The following MED12L variants were observed in gnomAD, a reference collection of about 807,000 sequenced individuals.
MED12L encodes the protein mediator of RNA polymerase II transcription subunit 12-like protein.
A neutral mutation model predicts 281.3 loss-of-function variants in MED12L; 60 were observed. The ratio of observed to expected loss-of-function variants is 0.21; its 90% CI spans 0.17 to 0.26. The LOEUF is 0.26. MED12L is among the 10% of genes least tolerant of loss of function. The pLI is 1.00. For missense variants in MED12L, 2,146 were observed against 2,680.9 expected (o/e 0.80, Z 4.41); for synonymous variants, 974 against 987.2 (o/e 0.99, Z 0.25).
At position 151,238,232 on chromosome 3, in the gene MED12L, C is replaced by T. The variant is rs577922586; in HGVS notation, c.2250+44566C>T. Among the ~76,000 whole-genome samples, 675 of 152,076 alleles carry T rather than the reference C, an allele frequency of 4.4e-3. 4 individuals carry two copies. Among genetic ancestry groups the T allele is most frequent in the African/African-American group, 0.015 (628 of 41,476 alleles). On this transcript the variant is annotated intron_variant, in intron 16 of 44. Coordinates refer to ENST00000687756, the MANE Select transcript of MED12L (RefSeq NM_001393769.1). ...CACTATCTTGGCTCACTGCATCCTC[C>T]GCCTCCCAGGTTCAAGCAATTCTCC...
intron 16 of MED12L, among the ~76,000 whole-genome samples, chr3:151,335,069 T>C (rs187245176): frequency 5.0e-4 from 76 of 152,318 alleles, no homozygotes; most frequent in African/African-American, 1.7e-3. Context: ...AAGTATACAA[T>C]GTGTAATGGT....
chr3:151,158,334 C>T (rs951061238), intron 6 of MED12L, among the ~76,000 whole-genome samples: 1 of 152,036 alleles, frequency 6.6e-6, no homozygotes. Flanking sequence ...CAGTGCTTAT[C>T]TTCTTTATAA....
intron 16 of MED12L, among the ~76,000 whole-genome samples, chr3:151,230,637 C>T (rs1284286374): frequency 6.7e-6 from 1 of 149,514 alleles, no homozygotes; most frequent in Non-Finnish European, 1.5e-5. Context: ...TGTGTTATTG[C>T]TTTTCTCTTT....
At chr3:151,181,348 G>A (rs1396526019) in intron 11 of MED12L, among the ~76,000 whole-genome samples, 2 of 151,730 alleles carry the variant, frequency 1.3e-5, no homozygotes, top group Admixed American at 1.3e-4. Context: ...ATAAAAATTG[G>A]TAGTTGTAAT....
intron 16 of MED12L, among the ~76,000 whole-genome samples, chr3:151,273,353 G>T (rs1741306046): frequency 6.8e-6 from 1 of 147,630 alleles, no homozygotes; most frequent in African/African-American, 2.5e-5. Context: ...TCAGCCTCCT[G>T]AGTAGCTGGG....
chr3:151,242,065 C>A (rs1332345295), intron 16 of MED12L, among the ~76,000 whole-genome samples: 1 of 152,100 alleles, frequency 6.6e-6, no homozygotes, highest in Non-Finnish European at 1.5e-5. Context: ...GCTTTTCCGA[C>A]GGGCTTAAAA....
intron 16 of MED12L, among the ~76,000 whole-genome samples, chr3:151,262,675 A>G (rs1739125044): frequency 6.6e-6 from 1 of 152,198 alleles, no homozygotes; most frequent in African/African-American, 2.4e-5. Context: ...AAAATCACCG[A>G]CAGATTTATT....
chr3:151,408,989 C>A (rs1716653140), intron 39 of MED12L, among the ~76,000 whole-genome samples: 1 of 152,160 alleles, frequency 6.6e-6, no homozygotes, highest in African/African-American at 2.4e-5. Context: ...GCTGAGCAGA[C>A]CATTGATAAC....
intron 11 of MED12L, among the ~76,000 whole-genome samples, chr3:151,184,552 C>A (rs953867416): frequency 6.6e-6 from 1 of 152,168 alleles, no homozygotes; most frequent in African/African-American, 2.4e-5. Context: ...ACAGATCACA[C>A]GGAAGTACCA....
intron 16 of MED12L, among the ~76,000 whole-genome samples, chr3:151,226,037 A>G (rs1577030532): frequency 6.6e-6 from 1 of 152,154 alleles, no homozygotes; most frequent in South Asian, 2.1e-4. Context: ...GCCATGCCCT[A>G]TGGAAACACA....
intron 16 of MED12L, among the ~76,000 whole-genome samples, chr3:151,237,413 G>A (rs1264221334): frequency 2.3e-5 from 3 of 127,854 alleles, no homozygotes; most frequent in African/African-American, 8.9e-5. Flanking sequence ...GTGGTGGCAC[G>A]ATCTTGGCTC....
chr3:151,294,099 A>T, intron 16 of MED12L: 2 of 958,804 alleles, frequency 2.1e-6, no homozygotes, highest in Non-Finnish European at 3.2e-6. Flanking sequence ...TGATGGGCTC[A>T]AGCAAGGATA....
intron 5 of MED12L, among the ~76,000 whole-genome samples, chr3:151,153,055 T>G (rs1034020346): frequency 4.6e-5 from 7 of 152,212 alleles, no homozygotes; most frequent in South Asian, 2.1e-4. Flanking sequence ...TTACGTGTTT[T>G]CATATACTAG....
chr3:151,270,414 G>T (rs138330655), intron 16 of MED12L, among the ~76,000 whole-genome samples: 2 of 152,096 alleles, frequency 1.3e-5, no homozygotes, highest in East Asian at 3.9e-4. Context: ...AAACTGTATG[G>T]ATTTAATACC....
intron 5 of MED12L, among the ~76,000 whole-genome samples, chr3:151,154,114 T>A (rs1718945017): frequency 6.6e-6 from 1 of 152,186 alleles, no homozygotes; most frequent in African/African-American, 2.4e-5. Flanking sequence ...TATTAAGGAG[T>A]ACAGTACTAG....
rs149031117 is a variant in MED12L, at chr3:151,377,795, A to G, written c.4317-217A>G. Among the ~76,000 whole-genome samples, 242 of 152,350 alleles carry G rather than the reference A, an allele frequency of 1.6e-3. 4 individuals are homozygous for G. The East Asian group carries it at 0.04, about 25-fold the overall frequency. ...GTCAGTTTAGTTACAATATCCTTCC[A>G]GAACTGCATGTTTTATTGCTTTCTG... On this transcript the variant is annotated intron_variant, in intron 30 of 44. Coordinates refer to ENST00000687756, the MANE Select transcript of MED12L (RefSeq NM_001393769.1).
At chr3:151,122,396 C>T (rs2148773459) in intron 3 of MED12L, among the ~76,000 whole-genome samples, 1 of 152,294 alleles carries the variant, frequency 6.6e-6, no homozygotes. Flanking sequence ...CGAGTGATTA[C>T]TAGGCTTTCT....
intron 16 of MED12L, among the ~76,000 whole-genome samples, chr3:151,231,461 C>T (rs768604333): frequency 1.1e-4 from 16 of 152,126 alleles, no homozygotes; most frequent in Non-Finnish European, 2.1e-4. Flanking sequence ...TCGTATGCCT[C>T]CTGATATGAT....
Position 151,153,511 on chromosome 3 carries a change from C to T in MED12L, c.557-2650C>T, listed in dbSNP as rs116192157. Among the ~76,000 whole-genome samples the T allele has an allele frequency of 4.9e-3, 746 of 151,942 alleles. 8 individuals carry two copies. Among genetic ancestry groups the T allele is most frequent in the African/African-American group, 0.017 (708 of 41,444 alleles). Reference sequence around the variant, plus strand: ...TTTGTATTTTCTACCCCTGAACATTCCCCGCCCCTTCATCTTCAGTATAAT... The same window carrying T: ...TTTGTATTTTCTACCCCTGAACATTTCCCGCCCCTTCATCTTCAGTATAAT... On this transcript the variant is annotated intron_variant, in intron 5 of 44. Coordinates refer to ENST00000687756, the MANE Select transcript of MED12L (RefSeq NM_001393769.1).
Sources: gnomAD v4.1 joint callset for allele counts (sites outside exome capture counted in the v4.1 genomes callset) on GRCh38, gnomAD v4.1.1 for gene constraint, MANE v1.5 for transcripts, NCBI Gene and HGNC (gene_info 2026-07-23, HGNC 2026-07-21) for gene names.